VWA8: variants seen among roughly 807,000 people sequenced by gnomAD.
VWA8 encodes the protein von Willebrand factor A domain containing 8.
In VWA8, 221 loss-of-function variants were observed where a neutral mutation model predicts 241.5. The ratio of observed to expected loss-of-function variants is 0.91; its 90% CI spans 0.82 to 1.02. The LOEUF is 1.02. Among genes scored for constraint, VWA8 ranks in the 50% least tolerant of loss-of-function variants. The probability of loss-of-function intolerance (pLI) is 0.00; values close to 1 mark genes in which losing one functional copy is unlikely to be tolerated. For missense variants in VWA8, 2,322 were observed against 2,328.7 expected, an observed-to-expected ratio of 1.00 and a Z score of 0.06; for synonymous variants, 852 against 827.1, an observed-to-expected ratio of 1.03 and a Z score of -0.52.
At chr13:41,573,610 C>CATATATAT (rs1239166610) in intron 43 of VWA8, among the ~76,000 whole-genome samples, 3,019 of 140,142 alleles carry the variant, frequency 0.022, 103 homozygotes, top group East Asian at 0.1. Flanking sequence ...TATATATACG[C>CATATATAT]ATATATATGG....
At chr13:41,587,377 G>T in intron 42 of VWA8, 135 bp downstream of exon 42, 1 of 1,123,798 alleles carries the variant, frequency 8.9e-7, no homozygotes, top group Non-Finnish European at 1.2e-6. Flanking sequence ...TAAAACAAAA[G>T]CTTCACTTTC....
chr13:41,830,722 C>T, intron 13 of VWA8, 80 bp from the exon 14 acceptor site: 2 of 1,229,916 alleles, frequency 1.6e-6, no homozygotes, highest in Non-Finnish European at 2.3e-6. Context: ...ATCAGTCAGC[C>T]AACAGTCTAT....
intron 2 of VWA8, among the ~76,000 whole-genome samples, chr13:41,932,598 C>T (rs1000225616): frequency 6.6e-6 from 1 of 151,822 alleles, no homozygotes; most frequent in African/African-American, 2.4e-5. Flanking sequence ...AAAAGACTCA[C>T]ACATTGTTAC....
At chr13:41,600,057 T>C (rs1474910167) in intron 40 of VWA8, among the ~76,000 whole-genome samples, 15 of 152,134 alleles carry the variant, frequency 9.9e-5, no homozygotes, top group Non-Finnish European at 2.9e-5. Context: ...GTTAGTGACA[T>C]TCTGTTAGCT....
At chr13:41,724,713 G>C (rs2045418795) in intron 24 of VWA8, among the ~76,000 whole-genome samples, 1 of 152,196 alleles carries the variant, frequency 6.6e-6, no homozygotes, top group Non-Finnish European at 1.5e-5. Flanking sequence ...ATCCTGGTTA[G>C]CAATGGGGAA....
intron 26 of VWA8, among the ~76,000 whole-genome samples, chr13:41,717,733 G>A (rs1045513839): frequency 6.6e-6 from 1 of 152,038 alleles, no homozygotes; most frequent in Non-Finnish European, 1.5e-5. Context: ...ATTAACAGAT[G>A]AGGAAAAAAT....
chr13:41,592,064 C>T (rs1470399139), intron 40 of VWA8, among the ~76,000 whole-genome samples: 4 of 151,558 alleles, frequency 2.6e-5, no homozygotes, highest in Non-Finnish European at 5.9e-5. Context: ...TTGGAACCAA[C>T]CCAAATGTCC....
chr13:41,705,001 C>T (rs1028763407), intron 26 of VWA8, among the ~76,000 whole-genome samples: 3 of 151,994 alleles, frequency 2.0e-5, no homozygotes, highest in Non-Finnish European at 4.4e-5. Context: ...TTTCCATATG[C>T]TTAATAAGAT....
intron 26 of VWA8, among the ~76,000 whole-genome samples, chr13:41,711,798 T>C (rs576490932): frequency 1.3e-4 from 20 of 152,016 alleles, no homozygotes; most frequent in South Asian, 4.2e-4. Flanking sequence ...GGTGTGAACC[T>C]GGGAGGCGGA....
chr13:41,737,378 A>G (rs1321886137), intron 21 of VWA8, among the ~76,000 whole-genome samples: 1 of 152,256 alleles, frequency 6.6e-6, no homozygotes. Context: ...TACTTAGAAA[A>G]AGGTGATGTA....
intron 37 of VWA8, among the ~76,000 whole-genome samples, chr13:41,657,801 T>TAA (rs896498244): frequency 4.6e-5 from 7 of 152,252 alleles, no homozygotes; most frequent in African/African-American, 1.4e-4. Flanking sequence ...GTTATTCTTT[T>TAA]AAGTGGCAGC....
At chr13:41,632,720 T>C (rs899024770) in intron 37 of VWA8, among the ~76,000 whole-genome samples, 1 of 152,214 alleles carries the variant, frequency 6.6e-6, no homozygotes, top group Non-Finnish European at 1.5e-5. Context: ...TGCCTACTGA[T>C]GTTTACCCTG....
At chr13:41,575,632 A>T in intron 43 of VWA8, 108 bp downstream of exon 43, 1 of 734,228 alleles carries the variant, frequency 1.4e-6, no homozygotes, top group East Asian at 2.7e-5. Context: ...TGTGTGTGAA[A>T]CAGTCTTTTT....
intron 44 of VWA8, among the ~76,000 whole-genome samples, chr13:41,570,108 G>T (rs890239538): frequency 6.6e-6 from 1 of 152,082 alleles, no homozygotes; most frequent in Non-Finnish European, 1.5e-5. Flanking sequence ...AGATGTTCAC[G>T]ATTTTTAATA....
chr13:41,570,179 T>C (rs1405136242), intron 44 of VWA8, among the ~76,000 whole-genome samples: 1 of 152,182 alleles, frequency 6.6e-6, no homozygotes, highest in Admixed American at 6.5e-5. Context: ...GCCAAATGTA[T>C]AAAATACTAC....
intron 14 of VWA8, among the ~76,000 whole-genome samples, chr13:41,828,541 T>A (rs1871279961): frequency 6.6e-6 from 1 of 152,206 alleles, no homozygotes; most frequent in African/African-American, 2.4e-5. Context: ...ACAGAAAATG[T>A]CAAAAATAGA....
intron 24 of VWA8, among the ~76,000 whole-genome samples, chr13:41,722,524 C>G (rs2045401099): frequency 6.6e-6 from 1 of 152,094 alleles, no homozygotes; most frequent in African/African-American, 2.4e-5. Flanking sequence ...GCCATGATAT[C>G]TTCAAAATTT....
intron 21 of VWA8, among the ~76,000 whole-genome samples, chr13:41,734,410 G>C (rs2045509273): frequency 6.6e-6 from 1 of 152,184 alleles, no homozygotes; most frequent in African/African-American, 2.4e-5. Context: ...ATGTTGAGAA[G>C]GTATGCATGG....
intron 12 of VWA8, among the ~76,000 whole-genome samples, chr13:41,858,254 AT>A (rs1872846232): frequency 6.6e-6 from 1 of 152,210 alleles, no homozygotes; most frequent in Non-Finnish European, 1.5e-5. Context: ...GTTGGAATGT[AT>A]TTTAAATTTA....
Sources: allele counts gnomAD v4.1 joint callset (sites outside exome capture counted in the v4.1 genomes callset), GRCh38; gene constraint gnomAD v4.1.1; transcripts MANE v1.5; gene names NCBI Gene and HGNC (gene_info 2026-07-23, HGNC 2026-07-21).